Variants in RASGRP1 observed in about 807,000 individuals in gnomAD.
RASGRP1 encodes RAS guanyl releasing protein 1, also known as RAS guanyl-releasing protein 1.
A neutral mutation model predicts 95.1 loss-of-function variants in RASGRP1; 37 were observed. The ratio of observed to expected loss-of-function variants is 0.39; its 90% CI spans 0.30 to 0.51. The LOEUF is 0.51. RASGRP1 is among the 20% of genes least tolerant of loss of function. RASGRP1 has a pLI of 0.80. For missense variants in RASGRP1, 711 were observed against 965.4 expected, an observed-to-expected ratio of 0.74 and a Z score of 3.49; for synonymous variants, 325 against 353.4, an observed-to-expected ratio of 0.92 and a Z score of 0.90.
chr15:38,512,290 A>C (rs188175809), intron 7 of RASGRP1, among the ~76,000 whole-genome samples: 2 of 152,314 alleles, frequency 1.3e-5, no homozygotes, highest in African/African-American at 4.8e-5. Context: ...AGTAACTGGG[A>C]CAGAGAAGCT....
rs1444051916 is a variant in RASGRP1 at position 38,488,106 on chromosome 15, T to A, written c.*2448A>T. ...GAAGAAACACAAGACATTTGTGTTG[T>A]AGGGATCCTAATGTCTTTTATCATA... On this transcript the variant is annotated 3_prime_UTR_variant, in exon 17 of 17. Transcript: ENST00000310803. The A allele has an allele frequency of 6.6e-6, 1 of 152,076 alleles. No individual in the cohort carries two copies. The highest frequency in any genetic ancestry group is 2.4e-5 in the African/African-American group (1 of 41,446). 9.4% of individuals were successfully genotyped at this position (152,076 alleles called of 1,614,324 possible).
chr15:38,502,945 G>A, intron 11 of RASGRP1: 1 of 366,588 alleles, frequency 2.7e-6, no homozygotes, highest in East Asian at 5.3e-5. Flanking sequence ...GCAGTACAAA[G>A]GTTTTCAGTT....
chr15:38,515,702 A>T (rs941522457), intron 6 of RASGRP1, among the ~76,000 whole-genome samples: 1 of 151,074 alleles, frequency 6.6e-6, no homozygotes, highest in Admixed American at 6.6e-5. Flanking sequence ...CTATTTTGGG[A>T]TTTCCCAGAG....
At position 38,500,510 on chromosome 15, in the gene RASGRP1, A is replaced by T. The variant is rs1280887326; in HGVS notation, c.1684-371T>A. Among the ~76,000 whole-genome samples, 5 of 151,284 alleles carry T rather than the reference A, an allele frequency of 3.3e-5. No individual in the cohort carries two copies. In the East Asian group the frequency reaches 9.7e-4, roughly 29 times the overall value. The stretch of plus-strand genomic sequence containing the variant: ...GGCATGTTCCACCACACCTGGCTAA[A>T]TTTTTTTGTATTTTTAGTAGAGACG... On this transcript the variant is annotated intron_variant, in intron 13 of 16. Transcript: ENST00000310803.
chr15:38,556,032 A>T (rs1893541615), intron 2 of RASGRP1, among the ~76,000 whole-genome samples: 1 of 152,240 alleles, frequency 6.6e-6, no homozygotes, highest in Non-Finnish European at 1.5e-5. Flanking sequence ...GTAAAGGGAA[A>T]AAAAATAAAA....
intron 2 of RASGRP1, among the ~76,000 whole-genome samples, chr15:38,554,803 C>T (rs1291054143): frequency 1.3e-5 from 2 of 152,198 alleles, no homozygotes; most frequent in African/African-American, 4.8e-5. Flanking sequence ...ATCCTTTACA[C>T]GTGAAATCTT....
At chr15:38,520,793 C>A (rs1187485773) in intron 3 of RASGRP1, among the ~76,000 whole-genome samples, 1 of 152,108 alleles carries the variant, frequency 6.6e-6, no homozygotes, top group African/African-American at 2.4e-5. Flanking sequence ...ATTAACGAAA[C>A]ATTTTTCAAA....
At chr15:38,532,125 T>C (rs1044528497) in intron 2 of RASGRP1, among the ~76,000 whole-genome samples, 2 of 152,244 alleles carry the variant, frequency 1.3e-5, no homozygotes, top group African/African-American at 4.8e-5. Context: ...TTTGAGATAA[T>C]TGCTGCAAGC....
intron 2 of RASGRP1, among the ~76,000 whole-genome samples, chr15:38,532,201 T>A (rs1222316552): frequency 6.6e-6 from 1 of 152,208 alleles, no homozygotes; most frequent in Non-Finnish European, 1.5e-5. Flanking sequence ...AAATGCAGGG[T>A]GTCATACTAA....
chr15:38,564,730 G>A lies in RASGRP1; in HGVS notation c.-102C>T, dbSNP rs896496253. 2 of 1,026,456 alleles carry A rather than the reference G, an allele frequency of 1.9e-6. No individual in the cohort carries two copies. Among genetic ancestry groups the A allele is most frequent in the Non-Finnish European group, 1.2e-6 (1 of 825,470 alleles). The allele number at this position is 1,026,456 out of a possible 1,614,324, so 63.6% of individuals were successfully genotyped here. A position where few individuals can be genotyped will look rare whatever the true frequency, so the allele number is the denominator to read the frequency against. On this transcript the variant is annotated 5_prime_UTR_variant, in exon 1 of 17. Coordinates refer to ENST00000310803, the MANE Select transcript of RASGRP1 (RefSeq NM_005739.4). ...CCGCCTGCCGGCTCTCTCCCCCCCG[G>A]GCCTCGTAGCCCCGGCGCCCGCCAG...
At chr15:38,506,653 AAAAAATAGTGAGTT>A (rs1891270013) in intron 9 of RASGRP1, among the ~76,000 whole-genome samples, 2 of 151,670 alleles carry the variant, frequency 1.3e-5, no homozygotes, top group South Asian at 4.2e-4. Context: ...AAAAAAAAAA[AAAAAATAGTGAGTT>A]TCATGTATCT....
intron 3 of RASGRP1, among the ~76,000 whole-genome samples, chr15:38,522,079 C>T (rs1892023277): frequency 6.6e-6 from 1 of 152,102 alleles, no homozygotes; most frequent in Admixed American, 6.6e-5. Context: ...AGTAATGCAA[C>T]ATTTATTGTG....
At chr15:38,523,882 G>A (rs1892091898) in intron 3 of RASGRP1, among the ~76,000 whole-genome samples, 1 of 152,166 alleles carries the variant, frequency 6.6e-6, no homozygotes, top group African/African-American at 2.4e-5. Context: ...ATGCCATCTA[G>A]GTTTGTGTAA....
chr15:38,527,766 C>T (rs1892279993), intron 2 of RASGRP1, among the ~76,000 whole-genome samples: 1 of 152,030 alleles, frequency 6.6e-6, no homozygotes, highest in African/African-American at 2.4e-5. Context: ...AGTCTTGGCT[C>T]CTCAAACGAC....
Position 38,493,479 on chromosome 15 carries a change from C to T in RASGRP1, c.2259+903G>A, listed in dbSNP as rs149444884. Among the ~76,000 whole-genome samples the T allele has an allele frequency of 3.9e-5, 6 of 152,208 alleles. No homozygotes were observed. The East Asian group carries it at 1.2e-3, about 29-fold the overall frequency. On this transcript the variant is annotated intron_variant, in intron 16 of 16. Transcript: ENST00000310803. ...GAGCCACCACGCCCAGCCCTATTTT[C>T]CTGTTTTTAATGTCATTATTCCCTT...
intron 2 of RASGRP1, among the ~76,000 whole-genome samples, chr15:38,556,315 G>A (rs948865605): frequency 6.6e-6 from 1 of 152,196 alleles, no homozygotes; most frequent in African/African-American, 2.4e-5. Context: ...GACACTGAGA[G>A]GCTTGCTAGA....
chr15:38,558,291 G>A (rs117520611), intron 2 of RASGRP1, among the ~76,000 whole-genome samples: 1,556 of 152,128 alleles, frequency 0.01, 14 homozygotes, highest in Non-Finnish European at 0.015. Flanking sequence ...TTATCTCCTC[G>A]CAGTATATTT....
At chr15:38,512,698 T>C in intron 7 of RASGRP1, 85 bp downstream of exon 7, 1 of 1,529,294 alleles carries the variant, frequency 6.5e-7, no homozygotes, top group Non-Finnish European at 8.9e-7. Context: ...AAAAAACAGC[T>C]CTAATTAATA....
intron 2 of RASGRP1, among the ~76,000 whole-genome samples, chr15:38,532,116 T>G (rs1892463817): frequency 6.6e-6 from 1 of 152,226 alleles, no homozygotes; most frequent in Non-Finnish European, 1.5e-5. Flanking sequence ...TTTTCATATT[T>G]TGAGATAATT....
Sources: gnomAD v4.1 joint callset for allele counts (sites outside exome capture counted in the v4.1 genomes callset) on GRCh38, gnomAD v4.1.1 for gene constraint, MANE v1.5 for transcripts, NCBI Gene and HGNC (gene_info 2026-07-23, HGNC 2026-07-21) for gene names.